Variants in CSMD1 observed in about 807,000 individuals in gnomAD.
The protein encoded by CSMD1 is CUB and Sushi multiple domains 1.
A neutral mutation model predicts 417.5 loss-of-function variants in CSMD1; 213 were observed. The ratio of observed to expected loss-of-function variants is 0.51; its 90% CI spans 0.46 to 0.57. The LOEUF (loss-of-function observed/expected upper bound fraction) is 0.57. CSMD1 is among the 20% of genes least tolerant of loss of function. CSMD1 has a pLI of 0.00. For missense variants in CSMD1, 6,923 were observed against 4,529.7 expected, an observed-to-expected ratio of 1.53 and a Z score of -15.17; for synonymous variants, 2,862 against 1,736.8, an observed-to-expected ratio of 1.65 and a Z score of -16.11.
At chr8:3,691,075 T>C (rs2623603) in intron 7 of CSMD1, among the ~76,000 whole-genome samples, 24,082 of 151,952 alleles carry the variant, frequency 0.16, 2,199 homozygotes, top group African/African-American at 0.26. Context: ...CTAGCAAAAC[T>C]GTATCAATGG....
chr8:3,881,558 T>C (rs529315662), intron 5 of CSMD1, among the ~76,000 whole-genome samples: 3 of 143,038 alleles, frequency 2.1e-5, no homozygotes, highest in Admixed American at 1.5e-4. Flanking sequence ...TGAGCCAAGA[T>C]GGAGCCATTG....
In CSMD1 at chr8:3,072,974, C is replaced by T. The variant is rs564568545; in HGVS notation, c.7474+14123G>A. ...GGCTTGGAAAAATCTCCCCAGTCAA[C>T]TCTTCTCCTAATGAAAAATAAAATC... On this transcript the variant is annotated intron_variant, in intron 49 of 69. Transcript: ENST00000635120. Among the ~76,000 whole-genome samples, 3 of 152,138 alleles carry T rather than the reference C, an allele frequency of 2.0e-5. No individual in the cohort carries two copies. In the South Asian group the frequency reaches 6.2e-4, roughly 32 times the overall value.
chr8:4,671,334 C>G (rs576752639), intron 1 of CSMD1, among the ~76,000 whole-genome samples: 1 of 151,956 alleles, frequency 6.6e-6, no homozygotes, highest in Non-Finnish European at 1.5e-5. Flanking sequence ...GTTTTTTAAA[C>G]CTAATTGATG....
At chr8:3,785,459 C>A (rs776192622) in intron 5 of CSMD1, among the ~76,000 whole-genome samples, 5 of 152,172 alleles carry the variant, frequency 3.3e-5, no homozygotes, top group Non-Finnish European at 5.9e-5. Flanking sequence ...AGCAATGGGC[C>A]ATGCCCTCCT....
chr8:4,532,395 C>T (rs1341221715), intron 2 of CSMD1, among the ~76,000 whole-genome samples: 3 of 150,388 alleles, frequency 2.0e-5, no homozygotes, highest in African/African-American at 7.4e-5. Flanking sequence ...AATCCTGCAC[C>T]CCCATTCAGT....
At chr8:3,273,753 G>C (rs900425551) in intron 26 of CSMD1, among the ~76,000 whole-genome samples, 1 of 151,582 alleles carries the variant, frequency 6.6e-6, no homozygotes, top group Non-Finnish European at 1.5e-5. Flanking sequence ...ATGGCAGTTC[G>C]TATTTCTGTG....
At chr8:3,544,299 AAT>A (rs1214450366) in intron 10 of CSMD1, among the ~76,000 whole-genome samples, 49 of 152,334 alleles carry the variant, frequency 3.2e-4, no homozygotes, top group Middle Eastern at 3.4e-3. Flanking sequence ...TAAAGAAAAT[AAT>A]ATAGATTCTT....
intron 10 of CSMD1, among the ~76,000 whole-genome samples, chr8:3,536,315 A>C (rs897417045): frequency 1.3e-5 from 2 of 152,214 alleles, no homozygotes; most frequent in African/African-American, 4.8e-5. Flanking sequence ...CAACATATTT[A>C]AAATGGCAGC....
intron 6 of CSMD1, among the ~76,000 whole-genome samples, chr8:3,733,652 T>G (rs1471627322): frequency 6.6e-6 from 1 of 152,142 alleles, no homozygotes; most frequent in Non-Finnish European, 1.5e-5. Context: ...AGAAGGTCCC[T>G]GCTGTTTGCA....
chr8:3,236,610 T>G (rs571613704), intron 26 of CSMD1, among the ~76,000 whole-genome samples: 1 of 152,170 alleles, frequency 6.6e-6, no homozygotes, highest in Non-Finnish European at 1.5e-5. Flanking sequence ...GGCACTCCAT[T>G]AGGGGCAGAA....
At chr8:3,376,085 G>C (rs1247961088) in intron 18 of CSMD1, among the ~76,000 whole-genome samples, 2 of 152,008 alleles carry the variant, frequency 1.3e-5, no homozygotes, top group Non-Finnish European at 2.9e-5. Context: ...CTTTCCTTTT[G>C]CTATGCTGAT....
At chr8:3,624,010 T>C (rs1427884727) in intron 7 of CSMD1, among the ~76,000 whole-genome samples, 1 of 152,012 alleles carries the variant, frequency 6.6e-6, no homozygotes, top group Non-Finnish European at 1.5e-5. Context: ...AACCTTTCTG[T>C]ACTCTGGCCA....
rs966648985 is a variant in CSMD1 at position 3,655,669 on chromosome 8, T to G, written c.1010-38872A>C. On this transcript the variant is annotated intron_variant, in intron 7 of 69. Coordinates refer to ENST00000635120, the MANE Select transcript of CSMD1 (RefSeq NM_033225.6). Reference sequence around the variant, plus strand: ...CTCAATGGAGGTTGCGTTTTTTTTTTTTTTTTTTTTTTAATCTTCCACTGC... The same window carrying G: ...CTCAATGGAGGTTGCGTTTTTTTTTGTTTTTTTTTTTTAATCTTCCACTGC... Among the ~76,000 whole-genome samples the G allele has an allele frequency of 3.2e-4, 49 of 151,876 alleles. No individual in the cohort carries two copies. The South Asian group carries it at 8.5e-3, about 26-fold the overall frequency.
chr8:4,743,038 G>T (rs1337787579), intron 1 of CSMD1, among the ~76,000 whole-genome samples: 1 of 152,080 alleles, frequency 6.6e-6, no homozygotes, highest in Non-Finnish European at 1.5e-5. Flanking sequence ...TTTTCTAAGT[G>T]TTTTTGTTTG....
chr8:4,788,304 A>G (rs568814853), intron 1 of CSMD1: 1 of 1,582,822 alleles, frequency 6.3e-7, no homozygotes, highest in African/African-American at 1.3e-5. Context: ...GGCAGGCAGA[A>G]GTAATGGTTT....
chr8:3,304,088 T>C (rs960853315), intron 25 of CSMD1, among the ~76,000 whole-genome samples: 1 of 152,128 alleles, frequency 6.6e-6, no homozygotes, highest in Non-Finnish European at 1.5e-5. Context: ...GAAACCAGCC[T>C]TTTCATATTT....
chr8:3,340,037 C>A (rs1229536445), intron 23 of CSMD1, among the ~76,000 whole-genome samples: 1 of 152,206 alleles, frequency 6.6e-6, no homozygotes, highest in Non-Finnish European at 1.5e-5. Context: ...CCCAAAGATA[C>A]TCTGGTTTTT....
At chr8:3,746,254 G>A (rs1584937302) in intron 6 of CSMD1, among the ~76,000 whole-genome samples, 1 of 152,168 alleles carries the variant, frequency 6.6e-6, no homozygotes, top group South Asian at 2.1e-4. Context: ...ACTATAAACT[G>A]CGGGAAAACA....
chr8:3,271,059 C>T (rs1312792820), intron 26 of CSMD1, among the ~76,000 whole-genome samples: 2 of 149,698 alleles, frequency 1.3e-5, no homozygotes, highest in African/African-American at 2.5e-5. Context: ...GGTATATCTC[C>T]CAATGCTGTC....
Sources: allele counts gnomAD v4.1 joint callset (sites outside exome capture counted in the v4.1 genomes callset), GRCh38; gene constraint gnomAD v4.1.1; transcripts MANE v1.5; gene names NCBI Gene and HGNC (gene_info 2026-07-23, HGNC 2026-07-21).